SPTBN4: variants seen among roughly 807,000 people sequenced by gnomAD.
SPTBN4 encodes spectrin beta, non-erythrocytic 4.
Under a neutral mutation model 277.8 loss-of-function variants are expected in SPTBN4, and 96 were observed. The observed-to-expected ratio is 0.35, with a 90% CI of 0.29 to 0.41. The LOEUF is 0.41. Among genes scored for constraint, SPTBN4 ranks in the 10% least tolerant of loss-of-function variants. SPTBN4 has a pLI of 1.00. For missense variants in SPTBN4, 3,006 were observed against 3,595.7 expected (o/e 0.84, Z 4.19); for synonymous variants, 1,481 against 1,580.3 (o/e 0.94, Z 1.49).
chr19:40,521,097 G>A (rs2080521598), intron 16 of SPTBN4, among the ~76,000 whole-genome samples: 1 of 152,026 alleles, frequency 6.6e-6, no homozygotes, highest in African/African-American at 2.4e-5. Flanking sequence ...GCTAATTTTT[G>A]TATTTTTAGT....
chr19:40,493,534 GT>G (rs927789853), intron 5 of SPTBN4, among the ~76,000 whole-genome samples: 10 of 152,026 alleles, frequency 6.6e-5, no homozygotes, highest in East Asian at 3.9e-4. Context: ...AAGTTGTGGG[GT>G]TTTTTTTGTT....
intron 2 of SPTBN4, among the ~76,000 whole-genome samples, chr19:40,476,213 C>T (rs1421893118): frequency 3.3e-5 from 5 of 151,898 alleles, no homozygotes; most frequent in East Asian, 1.9e-4. Flanking sequence ...GGTGTGGTGG[C>T]GCGTGCCTCT....
At chr19:40,532,552 G>A in intron 18 of SPTBN4, 73 bp from the exon 19 acceptor site, 1 of 1,544,786 alleles carries the variant, frequency 6.5e-7, no homozygotes, top group Non-Finnish European at 8.8e-7. Context: ...CTGAACCTGG[G>A]ACTTCCTGAA....
rs749867676 is a variant in SPTBN4 at position 40,502,781 on chromosome 19, G to A, written c.1210G>A (p.Gly404Ser). 1.2e-6 allele frequency: 2 copies of A among 1,613,674 alleles called. No individual in the cohort carries two copies. Among genetic ancestry groups the A allele is most frequent in the African/African-American group, 2.7e-5 (2 of 74,928 alleles). Residue 404 changes from glycine (G) to serine (S), a missense_variant, in exon 11 of 36, where the codon GGT becomes AGT. By Grantham distance (56) the Gly-to-Ser change is moderately conservative. Coordinates refer to ENST00000598249, the MANE Select transcript of SPTBN4 (RefSeq NM_020971.3). This position sits in a 1 kb window ranked among gnomAD's most constrained non-coding sequence, Gnocchi z 4.9. Reference protein sequence around the residue: ...CGIWDIDKAWGELEKAEHERE... With the variant: ...CGIWDIDKAWSELEKAEHERE... ...CTCCTCCCATCTCCTGCAGGCATGG[G>A]GTGAGCTGGAGAAGGCTGAGCATGA...
rs1424957418 is a variant in SPTBN4 at position 40,502,761 on chromosome 19, C to G, written c.1204-14C>G. ...AGCTGTCAGAGTCTGAGTGCCTCCTCCCATCTCCTGCAGGCATGGGGTGAG... is the reference window on the plus strand; with the variant it reads ...AGCTGTCAGAGTCTGAGTGCCTCCTGCCATCTCCTGCAGGCATGGGGTGAG... On this transcript the variant is annotated splice_polypyrimidine_tract_variant and intron_variant, in intron 10 of 35. Transcript: ENST00000598249. The surrounding 1 kb of genome is among the most constrained non-coding windows in gnomAD (Gnocchi z 4.9). 1.2e-6 allele frequency: 2 copies of G among 1,612,590 alleles called. No homozygotes were observed. Among genetic ancestry groups the G allele is most frequent in the Admixed American group, 1.7e-5 (1 of 59,854 alleles).
intron 6 of SPTBN4, 101 bp from the exon 7 acceptor site, chr19:40,497,388 C>T (rs138945187): frequency 1.2e-5 from 10 of 825,846 alleles, no homozygotes; most frequent in South Asian, 5.8e-5. Flanking sequence ...GCCCTTCTGC[C>T]CATTGCCCTG....
At chr19:40,486,511 AG>A (rs1009514377) in intron 2 of SPTBN4, among the ~76,000 whole-genome samples, 19 of 151,952 alleles carry the variant, frequency 1.3e-4, no homozygotes, top group African/African-American at 4.6e-4. Flanking sequence ...ATGGGACTAC[AG>A]GGGCATTCCA....
intron 18 of SPTBN4, among the ~76,000 whole-genome samples, chr19:40,529,866 A>G (rs1311471364): frequency 6.6e-6 from 1 of 151,996 alleles, no homozygotes; most frequent in Non-Finnish European, 1.5e-5. Flanking sequence ...GTTTCTTCCA[A>G]CCAAAGCTGG....
intron 26 of SPTBN4, among the ~76,000 whole-genome samples, chr19:40,559,803 G>C (rs1016172930): frequency 3.3e-5 from 5 of 151,886 alleles, no homozygotes; most frequent in African/African-American, 1.2e-4. Flanking sequence ...AATAAACTGA[G>C]TTAAAAAAAA....
chr19:40,539,270 G>A (rs868547931), intron 20 of SPTBN4, among the ~76,000 whole-genome samples: 12 of 152,340 alleles, frequency 7.9e-5, no homozygotes, highest in African/African-American at 2.2e-4. Flanking sequence ...TGCTGCCTTC[G>A]TCTCTCCCTC....
chr19:40,522,310 G>A (rs570036104), intron 16 of SPTBN4, among the ~76,000 whole-genome samples: 6 of 150,800 alleles, frequency 4.0e-5, no homozygotes, highest in Admixed American at 6.6e-5. Flanking sequence ...TTATAGGCAT[G>A]AGCCACCGTG....
chr19:40,487,010 A>G (rs1415969336), intron 2 of SPTBN4, among the ~76,000 whole-genome samples: 1 of 148,700 alleles, frequency 6.7e-6, no homozygotes, highest in Non-Finnish European at 1.5e-5. Flanking sequence ...CGTCACAGGT[A>G]GGAGGAGACA....
At chr19:40,558,646 C>T (rs1338699353) in intron 26 of SPTBN4, among the ~76,000 whole-genome samples, 1 of 151,796 alleles carries the variant, frequency 6.6e-6, no homozygotes, top group Non-Finnish European at 1.5e-5. Context: ...CTCACTCTGT[C>T]ACCCAGGCTG....
chr19:40,575,546 A>G lies in SPTBN4; in HGVS notation c.7672A>G (p.Arg2558Gly). Residue 2558 changes from arginine to glycine, a missense_variant, in exon 36 of 36, where the codon AGG becomes GGG. Around this residue, in one of 5 missense-constraint regions of SPTBN4, gnomAD observed 630 missense variants for 677.6 expected, o/e 0.93. Transcript: ENST00000598249. ...CCCTAAGAGGGAAGGCGGAGATCGC[A>G]GGGCCAGCGGGCGCAGGAAGTGACT... ...GNPKREGGDR[R>G]ASGRRK The G allele has an allele frequency of 1.2e-6, 2 of 1,611,972 alleles. No individual in the cohort carries two copies. The highest frequency in any genetic ancestry group is 1.7e-6 in the Non-Finnish European group (2 of 1,179,448).
intron 13 of SPTBN4, among the ~76,000 whole-genome samples, chr19:40,510,168 T>A (rs962835251): frequency 6.6e-6 from 1 of 151,978 alleles, no homozygotes; most frequent in Non-Finnish European, 1.5e-5. Flanking sequence ...GGGCAATCCT[T>A]CCCCTCTCTG....
intron 25 of SPTBN4, among the ~76,000 whole-genome samples, chr19:40,556,709 T>G (rs949444477): frequency 6.6e-6 from 1 of 152,044 alleles, no homozygotes; most frequent in African/African-American, 2.4e-5. Flanking sequence ...GTGGATCACT[T>G]GAGGTCAGGA....
chr19:40,556,996 A>ACCCCC (rs34510741), intron 25 of SPTBN4, 27 bp from the exon 26 acceptor site: 7 of 1,365,084 alleles, frequency 5.1e-6, no homozygotes, highest in South Asian at 1.4e-5. Flanking sequence ...ACTTTGCTGT[A>ACCCCC]CCCCCCCCCC....
chr19:40,503,604 G>C (rs1599739238), intron 11 of SPTBN4, among the ~76,000 whole-genome samples: 1 of 148,074 alleles, frequency 6.8e-6, no homozygotes, highest in Admixed American at 6.7e-5. Flanking sequence ...GGTCTTTAGG[G>C]TAACTGGGGA....
chr19:40,532,510 C>T, intron 18 of SPTBN4, 115 bp from the exon 19 acceptor site: 1 of 1,346,760 alleles, frequency 7.4e-7, no homozygotes, highest in Admixed American at 2.6e-5. Context: ...CTTTCCTATT[C>T]CTTCCACCCA....
Sources: allele counts gnomAD v4.1 joint callset (sites outside exome capture counted in the v4.1 genomes callset), GRCh38; gene constraint gnomAD v4.1.1; regional missense constraint gnomAD v4.1.1; non-coding constraint Gnocchi (gnomAD v3.1); transcripts MANE v1.5; gene names NCBI Gene and HGNC (gene_info 2026-07-23, HGNC 2026-07-21).